Variants in CDH18 observed in about 807,000 individuals in gnomAD.
CDH18 encodes cadherin 18.
Under a neutral mutation model 67.9 loss-of-function variants are expected in CDH18, and 31 were observed. That is an observed-to-expected ratio of 0.46 (90% CI 0.34 to 0.62). The LOEUF (loss-of-function observed/expected upper bound fraction) is 0.62, where lower values mean the gene tolerates loss of function less well. Ranked by LOEUF, CDH18 falls within the 20% of genes least tolerant of loss-of-function variation. CDH18 has a pLI of 0.01. For missense variants in CDH18, 890 were observed against 975.5 expected, an observed-to-expected ratio of 0.91 and a Z score of 1.17; for synonymous variants, 362 against 347.2, an observed-to-expected ratio of 1.04 and a Z score of -0.48.
chr5:20,430,427 C>G (rs555848156), intron 1 of CDH18, among the ~76,000 whole-genome samples: 2 of 152,006 alleles, frequency 1.3e-5, no homozygotes, highest in African/African-American at 4.8e-5. Flanking sequence ...CTTCTATATC[C>G]CAGATTCTCA....
At chr5:20,296,355 G>A (rs1223802751) in intron 1 of CDH18, among the ~76,000 whole-genome samples, 3 of 151,614 alleles carry the variant, frequency 2.0e-5, no homozygotes, top group African/African-American at 7.3e-5. Context: ...CGGGGTTCAG[G>A]CCATTCTCCT....
At chr5:20,054,962 GGTATAGCA>G (rs1741776199) in intron 2 of CDH18, among the ~76,000 whole-genome samples, 2 of 152,152 alleles carry the variant, frequency 1.3e-5, no homozygotes, top group Non-Finnish European at 2.9e-5. Flanking sequence ...AGAAGCCACA[GGTATAGCA>G]GTTCTGGCAA....
chr5:19,988,684 G>A (rs1450445618), upstream of CDH18, among the ~76,000 whole-genome samples: 3 of 152,018 alleles, frequency 2.0e-5, no homozygotes, highest in African/African-American at 7.2e-5. Context: ...AAATAAGGCA[G>A]GGCAGGCGCT....
intron 3 of CDH18, among the ~76,000 whole-genome samples, chr5:19,764,599 T>A (rs1351088302): frequency 6.7e-6 from 1 of 149,902 alleles, no homozygotes; most frequent in Non-Finnish European, 1.5e-5. Context: ...ATAGTTTTAA[T>A]TGATTAAGTA....
intron 2 of CDH18, among the ~76,000 whole-genome samples, chr5:19,890,449 A>G (rs1436969407): frequency 2.0e-5 from 3 of 152,214 alleles, no homozygotes; most frequent in Non-Finnish European, 4.4e-5. Context: ...GCCTGCTACA[A>G]TGGTCTTGTT....
intron 5 of CDH18, among the ~76,000 whole-genome samples, chr5:19,653,744 C>G (rs1407034059): frequency 6.6e-6 from 1 of 152,166 alleles, no homozygotes; most frequent in Admixed American, 6.5e-5. Context: ...CCACCATAGC[C>G]TGTGCTGTGT....
intron 5 of CDH18, among the ~76,000 whole-genome samples, chr5:19,685,714 T>C (rs1760999071): frequency 6.6e-6 from 1 of 152,304 alleles, no homozygotes; most frequent in East Asian, 1.9e-4. Flanking sequence ...AGCTCTCTCT[T>C]ACATCATTGT....
intron 5 of CDH18, among the ~76,000 whole-genome samples, chr5:19,616,763 T>C (rs1749904309): frequency 6.6e-6 from 1 of 152,018 alleles, no homozygotes; most frequent in Admixed American, 6.6e-5. Flanking sequence ...AAAACAGAGA[T>C]TTATTTCTCA....
intron 3 of CDH18, among the ~76,000 whole-genome samples, chr5:19,773,380 G>A (rs1304936490): frequency 2.0e-5 from 3 of 152,054 alleles, no homozygotes; most frequent in African/African-American, 7.2e-5. Context: ...AAAAGAGAGG[G>A]ATATAGCAGA....
At chr5:19,851,853 G>A (rs1375774257) in intron 2 of CDH18, among the ~76,000 whole-genome samples, 1 of 151,634 alleles carries the variant, frequency 6.6e-6, no homozygotes, top group Non-Finnish European at 1.5e-5. Flanking sequence ...TAAAATCTGT[G>A]TGTTTAAACT....
At chr5:20,445,923 G>A (rs1749962607) in intron 1 of CDH18, among the ~76,000 whole-genome samples, 1 of 152,080 alleles carries the variant, frequency 6.6e-6, no homozygotes, top group Non-Finnish European at 1.5e-5. Flanking sequence ...GAAATCAACT[G>A]CTTTTTACAG....
At chr5:20,366,443 C>A (rs1742524684) in intron 1 of CDH18, among the ~76,000 whole-genome samples, 1 of 152,104 alleles carries the variant, frequency 6.6e-6, no homozygotes, top group African/African-American at 2.4e-5. Flanking sequence ...TAACCAATTT[C>A]TCCATAGTCA....
intron 2 of CDH18, among the ~76,000 whole-genome samples, chr5:20,026,373 G>A (rs562219267): frequency 3.9e-5 from 6 of 152,192 alleles, no homozygotes; most frequent in African/African-American, 1.4e-4. Context: ...TATTTCTCAC[G>A]GAATTTCTGT....
intron 3 of CDH18, among the ~76,000 whole-genome samples, chr5:19,831,727 C>G (rs1781052233): frequency 6.6e-6 from 1 of 151,948 alleles, no homozygotes. Flanking sequence ...AACTACTGTT[C>G]AAACCATCCA....
chr5:19,484,814 A>G (rs1283343228), intron 11 of CDH18, among the ~76,000 whole-genome samples: 2 of 152,206 alleles, frequency 1.3e-5, no homozygotes, highest in African/African-American at 2.4e-5. Context: ...GTTGATCCCA[A>G]TGGCATACTC....
At chr5:19,763,818 A>C (rs935193591) in intron 3 of CDH18, among the ~76,000 whole-genome samples, 2 of 151,922 alleles carry the variant, frequency 1.3e-5, no homozygotes, top group African/African-American at 4.8e-5. Context: ...ATAGATGGAA[A>C]ACAAAAGCAT....
At chr5:19,637,602 A>T (rs1395305187) in intron 5 of CDH18, among the ~76,000 whole-genome samples, 1 of 152,144 alleles carries the variant, frequency 6.6e-6, no homozygotes, top group Non-Finnish European at 1.5e-5. Context: ...TGCTAAGTCA[A>T]TTTCGCTCGA....
At chr5:20,543,650 T>C (rs1397976087) in intron 1 of CDH18, among the ~76,000 whole-genome samples, 4 of 152,162 alleles carry the variant, frequency 2.6e-5, no homozygotes, top group African/African-American at 9.6e-5. Flanking sequence ...CAATTCCTAT[T>C]TCATATGACT....
intron 5 of CDH18, among the ~76,000 whole-genome samples, chr5:19,712,139 G>T (rs191343944): frequency 9.2e-5 from 14 of 152,006 alleles, no homozygotes; most frequent in African/African-American, 3.4e-4. Context: ...GGAATAATAA[G>T]TATTGGAGAC....
Sources: gnomAD v4.1 joint callset for allele counts (sites outside exome capture counted in the v4.1 genomes callset) on GRCh38, gnomAD v4.1.1 for gene constraint, MANE v1.5 for transcripts, NCBI Gene and HGNC (gene_info 2026-07-23, HGNC 2026-07-21) for gene names.